The following CYFIP1 variants were observed in gnomAD, a reference collection of about 807,000 sequenced individuals.
CYFIP1 encodes the protein cytoplasmic FMR1 interacting protein 1.
CYFIP1 carries 58 observed loss-of-function variants against 163.5 expected under a neutral mutation model. The ratio of observed to expected loss-of-function variants is 0.35; its 90% CI spans 0.29 to 0.44. The LOEUF (loss-of-function observed/expected upper bound fraction) is 0.44, where lower values mean the gene tolerates loss of function less well. CYFIP1 is among the 20% of genes least tolerant of loss of function. The pLI, the probability that CYFIP1 is intolerant of heterozygous loss-of-function variation, is 1.00. For synonymous variants in CYFIP1, 663 were observed against 660.7 expected (o/e 1.00, Z -0.05); for missense variants, 1,338 against 1,653.8 (o/e 0.81, Z 3.31).
intron 1 of CYFIP1, among the ~76,000 whole-genome samples, chr15:22,968,236 C>G (rs1161690404): frequency 6.6e-6 from 1 of 152,172 alleles, no homozygotes; most frequent in Non-Finnish European, 1.5e-5. Flanking sequence ...CTTGGCCAGG[C>G]CATGGTACCC....
Position 22,867,433 on chromosome 15 carries a change from T to C in CYFIP1, c.*2595A>G, listed in dbSNP as rs2059181416. On this transcript the variant is annotated 3_prime_UTR_variant, in exon 31 of 31. Transcript: ENST00000617928. Reference sequence around the variant, plus strand: ...TCACCCCAAGGAACGATTTCTCAGGTTGAGATGATCACCGTGAATCCGGCT... The same window carrying C: ...TCACCCCAAGGAACGATTTCTCAGGCTGAGATGATCACCGTGAATCCGGCT... 1 of 366,190 alleles carries C rather than the reference T, an allele frequency of 2.7e-6. No homozygotes were observed. Among genetic ancestry groups the C allele is most frequent in the African/African-American group, 2.1e-5 (1 of 47,934 alleles). 22.7% of individuals were successfully genotyped at this position (366,190 alleles called of 1,614,324 possible).
chr15:22,909,793 T>A (rs1418674206), intron 20 of CYFIP1, among the ~76,000 whole-genome samples: 2 of 152,180 alleles, frequency 1.3e-5, no homozygotes, highest in Non-Finnish European at 2.9e-5. Context: ...CATGAGATGT[T>A]TTAATACAGG....
intron 23 of CYFIP1, among the ~76,000 whole-genome samples, chr15:22,891,898 G>A (rs1198215043): frequency 1.2e-4 from 19 of 152,228 alleles, no homozygotes; most frequent in Admixed American, 7.2e-4. Context: ...TGCAGGCAGC[G>A]TGTGAGCGGC....
chr15:22,980,786 A>G (rs937565353), upstream of CYFIP1, among the ~76,000 whole-genome samples: 4 of 151,786 alleles, frequency 2.6e-5, no homozygotes, highest in Non-Finnish European at 5.9e-5. Flanking sequence ...ACTTGGCAGG[A>G]GGCGCTCACC....
intron 23 of CYFIP1, among the ~76,000 whole-genome samples, chr15:22,890,871 A>G (rs1026108337): frequency 6.6e-6 from 1 of 152,042 alleles, no homozygotes; most frequent in African/African-American, 2.4e-5. Flanking sequence ...AGCCTCGAGA[A>G]CGCGGAGTGT....
intron 30 of CYFIP1, chr15:22,872,621 A>G: frequency 1.8e-6 from 1 of 556,034 alleles, no homozygotes; most frequent in Non-Finnish European, 3.2e-6. Context: ...TGAGAAGGAA[A>G]ACGGAACAAT....
At chr15:22,881,541 T>C (rs1289537339) in intron 25 of CYFIP1, among the ~76,000 whole-genome samples, 3 of 151,970 alleles carry the variant, frequency 2.0e-5, no homozygotes, top group African/African-American at 7.2e-5. Context: ...CAAGTCCCTA[T>C]AGGCCCAGCA....
rs537716043 is a variant in CYFIP1, at chr15:22,891,787, T to TC, written c.2676+1102_2676+1103insG. ...AAGGAAGACGCCCAAAGGACTGGAG[T>TC]GAGAAGATCTCGCTCTGAAGAACAG... On this transcript the variant is annotated intron_variant, in intron 23 of 30. Transcript: ENST00000617928. 3.3e-4 allele frequency among the ~76,000 whole-genome samples: 51 copies of TC among 152,298 alleles called. 3 individuals carry two copies. In the South Asian group the frequency reaches 9.3e-3, roughly 28 times the overall value.
chr15:22,903,696 G>C lies in CYFIP1; in HGVS notation c.2588+10C>G, dbSNP rs1439610036. On this transcript the variant is annotated intron_variant, in intron 22 of 30. Transcript: ENST00000617928. ...TCGCCTGTGGGCGCCTGTGTGGCGG[G>C]CACGCTCACCGGTTGGTAGAGCCGT... 2 of 1,613,022 alleles carry C rather than the reference G, an allele frequency of 1.2e-6. No individual in the cohort carries two copies. Among genetic ancestry groups the C allele is most frequent in the Non-Finnish European group, 1.7e-6 (2 of 1,179,932 alleles).
chr15:22,880,686 C>T (rs1027041193), intron 25 of CYFIP1, among the ~76,000 whole-genome samples: 6 of 152,190 alleles, frequency 3.9e-5, no homozygotes, highest in Middle Eastern at 3.2e-3. Flanking sequence ...GCCTAAACTA[C>T]CCTGGGAAGA....
At chr15:22,944,972 G>A (rs767440867) in intron 3 of CYFIP1, 33 bp from the exon 4 acceptor site, 1 of 1,590,582 alleles carries the variant, frequency 6.3e-7, no homozygotes, top group Non-Finnish European at 8.6e-7. Flanking sequence ...TCAAAGGCAG[G>A]CGGGGGAACT....
chr15:22,917,382 A>G lies in CYFIP1; in HGVS notation c.1674+406T>C. ...CAGGAGAGAGGACAGTGGGCAGCTT[A>G]GGACCATGACACACGCAAGCAGCAC... On this transcript the variant is annotated intron_variant, in intron 15 of 30. Transcript: ENST00000617928. This position sits in a 1 kb window ranked among gnomAD's most constrained non-coding sequence, Gnocchi z 4.2. 9.7e-7 allele frequency: 1 copy of G among 1,032,964 alleles called. No individual in the cohort carries two copies. Among genetic ancestry groups the G allele is most frequent in the Non-Finnish European group, 1.3e-6 (1 of 792,156 alleles). 64.0% of individuals were successfully genotyped at this position (1,032,964 alleles called of 1,614,324 possible). A position where few individuals can be genotyped will look rare whatever the true frequency, so the allele number is the denominator to read the frequency against.
chr15:22,954,832 G>A (rs2062388807), intron 1 of CYFIP1, among the ~76,000 whole-genome samples: 1 of 152,178 alleles, frequency 6.6e-6, no homozygotes, highest in Non-Finnish European at 1.5e-5. Context: ...AGATTTCAAA[G>A]GAGGACATCA....
chr15:22,929,152 G>A (rs1031000374), intron 11 of CYFIP1, among the ~76,000 whole-genome samples: 3 of 150,402 alleles, frequency 2.0e-5, no homozygotes, highest in Non-Finnish European at 2.9e-5. Context: ...CCCAGGAGGC[G>A]AAGATTGCAG....
intron 3 of CYFIP1, 34 bp from the exon 4 acceptor site, chr15:22,944,973 C>G (rs561344331): frequency 6.3e-7 from 1 of 1,588,246 alleles, no homozygotes. Context: ...CAAAGGCAGG[C>G]GGGGGAACTA....
chr15:22,904,215 T>C lies in CYFIP1; in HGVS notation c.2389-310A>G, dbSNP rs538700264. ...GCCACCCTTCCCCCCATGTGCCCGC[T>C]GAGCCCCGGCCCTGCCCTGCAGTAT... On this transcript the variant is annotated intron_variant, in intron 21 of 30. Transcript: ENST00000617928. The C allele has an allele frequency of 3.3e-5, 15 of 450,984 alleles. No individual in the cohort carries two copies. The South Asian group carries it at 3.4e-4, about 10-fold the overall frequency. The allele number at this position is 450,984 out of a possible 1,614,324, so 27.9% of individuals were successfully genotyped here. A position where few individuals can be genotyped will look rare whatever the true frequency, so the allele number is the denominator to read the frequency against.
At chr15:22,975,930 AAT>A (rs2063259497) in intron 1 of CYFIP1, among the ~76,000 whole-genome samples, 1 of 152,140 alleles carries the variant, frequency 6.6e-6, no homozygotes, top group Non-Finnish European at 1.5e-5. Context: ...AAAGCATGCT[AAT>A]ATTTTTAAAT....
intron 11 of CYFIP1, among the ~76,000 whole-genome samples, chr15:22,931,353 C>G (rs1261090042): frequency 6.6e-6 from 1 of 152,094 alleles, no homozygotes. Context: ...ACATGGCAAA[C>G]CCAGCTGCAA....
chr15:22,918,195 G>A (rs532467651), intron 14 of CYFIP1, among the ~76,000 whole-genome samples: 1 of 152,316 alleles, frequency 6.6e-6, no homozygotes, highest in East Asian at 1.9e-4. Context: ...GGGCAGCAGT[G>A]AGGTGGCTCT....
Sources: gnomAD v4.1 joint callset for allele counts (sites outside exome capture counted in the v4.1 genomes callset) on GRCh38, gnomAD v4.1.1 for gene constraint, Gnocchi (gnomAD v3.1) non-coding constraint, MANE v1.5 for transcripts, NCBI Gene and HGNC (gene_info 2026-07-23, HGNC 2026-07-21) for gene names.